Variants in GPC5 observed in about 807,000 individuals in gnomAD.
GPC5 encodes glypican-5.
A neutral mutation model predicts 53.9 loss-of-function variants in GPC5; 47 were observed. That is an observed-to-expected ratio of 0.87 (90% CI 0.69 to 1.11). GPC5 has a LOEUF of 1.11. Among genes scored for constraint, GPC5 ranks in the 50% most tolerant of loss-of-function variants. The pLI, the probability that GPC5 is intolerant of heterozygous loss-of-function variation, is 0.00. For synonymous variants in GPC5, 286 were observed against 263.3 expected, an observed-to-expected ratio of 1.09 and a Z score of -0.84; for missense variants, 748 against 713.1, an observed-to-expected ratio of 1.05 and a Z score of -0.56.
chr13:92,598,081 G>A (rs1883935274), intron 7 of GPC5, among the ~76,000 whole-genome samples: 1 of 152,136 alleles, frequency 6.6e-6, no homozygotes, highest in Non-Finnish European at 1.5e-5. Flanking sequence ...TTACTTGGAT[G>A]TATTTGAACT....
At chr13:92,210,460 T>C (rs2042366970) in intron 7 of GPC5, among the ~76,000 whole-genome samples, 1 of 152,202 alleles carries the variant, frequency 6.6e-6, no homozygotes, top group African/African-American at 2.4e-5. Context: ...AGTTGATTCT[T>C]GAATGTAAAA....
intron 2 of GPC5, among the ~76,000 whole-genome samples, chr13:91,657,785 C>T (rs1198286350): frequency 2.0e-5 from 3 of 152,048 alleles, no homozygotes; most frequent in Non-Finnish European, 4.4e-5. Flanking sequence ...TAGTGGCAGC[C>T]ACACATCAAA....
chr13:92,381,992 A>G (rs1056863213), intron 7 of GPC5, among the ~76,000 whole-genome samples: 1 of 148,264 alleles, frequency 6.7e-6, no homozygotes, highest in African/African-American at 2.5e-5. Context: ...CTATCTATCT[A>G]TCTATCTATC....
intron 7 of GPC5, among the ~76,000 whole-genome samples, chr13:92,315,829 A>G (rs1239637571): frequency 6.6e-6 from 1 of 152,206 alleles, no homozygotes; most frequent in Non-Finnish European, 1.5e-5. Context: ...TCAGAATGGA[A>G]AAGATGATTG....
intron 7 of GPC5, among the ~76,000 whole-genome samples, chr13:92,161,451 C>A (rs553457171): frequency 2.6e-5 from 4 of 152,188 alleles, no homozygotes; most frequent in South Asian, 2.1e-4. Context: ...ACATTAAAAA[C>A]CAGATTTTCT....
intron 6 of GPC5, among the ~76,000 whole-genome samples, chr13:91,976,160 T>C (rs945491681): frequency 2.2e-4 from 33 of 152,276 alleles, no homozygotes; most frequent in Admixed American, 1.2e-3. Flanking sequence ...TTAGGAGATA[T>C]ACCTAATGTT....
chr13:92,621,110 T>A (rs1302029570), intron 7 of GPC5, among the ~76,000 whole-genome samples: 2 of 152,208 alleles, frequency 1.3e-5, no homozygotes, highest in African/African-American at 4.8e-5. Flanking sequence ...TCACACTCAC[T>A]GGCTACTGCT....
chr13:92,244,147 G>A (rs7320218), intron 7 of GPC5, among the ~76,000 whole-genome samples: 85,692 of 151,940 alleles, frequency 0.56, 24,425 homozygotes, highest in South Asian at 0.65. Flanking sequence ...TTATGGTTGC[G>A]TGTTTGAACT....
At chr13:92,232,098 T>C (rs569131159) in intron 7 of GPC5, among the ~76,000 whole-genome samples, 1 of 152,326 alleles carries the variant, frequency 6.6e-6, no homozygotes, top group East Asian at 1.9e-4. Context: ...TCTGATAGAA[T>C]CTGATGTGGC....
rs2039978792 is a variant in GPC5, at chr13:91,946,816, C to T, written c.1401+38759C>T. ...TCAATACCTTGAGTCTGTTTCATAG[C>T]TTGGCCTGGTACCTTAGGCCATAGG... On this transcript the variant is annotated intron_variant, in intron 6 of 7. Coordinates refer to ENST00000377067, the MANE Select transcript of GPC5 (RefSeq NM_004466.6). 2.0e-5 allele frequency among the ~76,000 whole-genome samples: 3 copies of T among 152,176 alleles called. No homozygotes were observed. In the South Asian group the frequency reaches 6.2e-4, roughly 32 times the overall value.
chr13:91,947,648 C>CTGAGGAAACAGTGGCATAG (rs78542602), intron 6 of GPC5, among the ~76,000 whole-genome samples: 63,717 of 151,828 alleles, frequency 0.42, 15,625 homozygotes, highest in East Asian at 0.74. Context: ...GAGAGCACGA[C>CTGAGGAAACAGTGGCATAG]TGAGGAAACA....
intron 7 of GPC5, among the ~76,000 whole-genome samples, chr13:92,392,385 G>A (rs747605881): frequency 2.6e-5 from 4 of 151,858 alleles, no homozygotes; most frequent in East Asian, 1.9e-4. Context: ...TTCTTACACC[G>A]TACACAAAAA....
intron 7 of GPC5, among the ~76,000 whole-genome samples, chr13:92,579,260 TCC>T (rs1883289510): frequency 1.9e-4 from 2 of 10,476 alleles, no homozygotes; most frequent in Middle Eastern, 0.083. Context: ...CCTCCCTCCC[TCC>T]CTCCCTCCCT....
chr13:91,688,519 G>C (rs1037070653), intron 2 of GPC5, among the ~76,000 whole-genome samples: 1 of 152,060 alleles, frequency 6.6e-6, no homozygotes, highest in Non-Finnish European at 1.5e-5. Flanking sequence ...TGATATTGTG[G>C]TGAGTTAATA....
chr13:92,855,636 A>G (rs1262874815), intron 7 of GPC5, among the ~76,000 whole-genome samples: 4 of 144,948 alleles, frequency 2.8e-5, no homozygotes, highest in Non-Finnish European at 6.0e-5. Context: ...AAAAAAAGTG[A>G]AGACCCAAAC....
intron 7 of GPC5, among the ~76,000 whole-genome samples, chr13:92,520,683 G>A (rs1881005849): frequency 6.6e-6 from 1 of 152,082 alleles, no homozygotes; most frequent in Non-Finnish European, 1.5e-5. Context: ...CATACTGAAT[G>A]GGCACAAACT....
chr13:92,810,456 A>T (rs1016119862), intron 7 of GPC5, among the ~76,000 whole-genome samples: 7 of 151,974 alleles, frequency 4.6e-5, no homozygotes, highest in Admixed American at 3.9e-4. Flanking sequence ...ACATAAAATT[A>T]ACCATATGTA....
chr13:91,671,282 G>A (rs1321269009), intron 2 of GPC5, among the ~76,000 whole-genome samples: 1 of 152,132 alleles, frequency 6.6e-6, no homozygotes, highest in Non-Finnish European at 1.5e-5. Flanking sequence ...AGTGGGAATA[G>A]TCTTGATACT....
chr13:91,579,120 C>T (rs569763011), intron 2 of GPC5, among the ~76,000 whole-genome samples: 1 of 152,130 alleles, frequency 6.6e-6, no homozygotes, highest in South Asian at 2.1e-4. Flanking sequence ...TCATATTTCC[C>T]TTTGTAATTA....
Sources: allele counts gnomAD v4.1 joint callset (sites outside exome capture counted in the v4.1 genomes callset), GRCh38; gene constraint gnomAD v4.1.1; transcripts MANE v1.5; gene names NCBI Gene and HGNC (gene_info 2026-07-23, HGNC 2026-07-21).